SCHIP1: variants seen among roughly 807,000 people sequenced by gnomAD.
SCHIP1 encodes the protein schwannomin interacting protein 1, also known as schwannomin-interacting protein 1.
Under a neutral mutation model 29.7 loss-of-function variants are expected in SCHIP1, and 8 were observed. The ratio of observed to expected loss-of-function variants is 0.27; its 90% CI spans 0.16 to 0.49. The LOEUF is 0.49. Ranked by LOEUF, SCHIP1 falls within the 20% of genes least tolerant of loss-of-function variation. SCHIP1 has a pLI of 0.99. For synonymous variants in SCHIP1, 76 were observed against 94.9 expected (o/e 0.80, Z 1.16); for missense variants, 193 against 294.6 (o/e 0.66, Z 2.52).
At chr3:159,599,080 T>G in the SCHIP1 span, among the ~76,000 whole-genome samples, 1 of 152,188 alleles carries the variant, frequency 6.6e-6, no homozygotes, top group Non-Finnish European at 1.5e-5. Context: ...TCCTATTCCT[T>G]TACTTTCAGT....
chr3:159,802,840 A>C, the SCHIP1 span, among the ~76,000 whole-genome samples: 1 of 152,200 alleles, frequency 6.6e-6, no homozygotes, highest in East Asian at 1.9e-4. Context: ...AGAAGTGTGG[A>C]GGTCAGGAGT....
intron 2 of SCHIP1, among the ~76,000 whole-genome samples, chr3:159,874,755 G>A (rs1439841560): frequency 3.3e-5 from 5 of 152,138 alleles, no homozygotes; most frequent in Non-Finnish European, 5.9e-5. Context: ...TCTGCCCAGC[G>A]TTAATGAGGA....
At chr3:159,625,871 C>T in the SCHIP1 span, among the ~76,000 whole-genome samples, 2 of 152,126 alleles carry the variant, frequency 1.3e-5, no homozygotes, top group East Asian at 1.9e-4. Flanking sequence ...ATCAACTGTG[C>T]TTCTCCCTAC....
the SCHIP1 span, among the ~76,000 whole-genome samples, chr3:159,690,245 C>T: frequency 3.8e-4 from 58 of 152,034 alleles, no homozygotes; most frequent in Middle Eastern, 3.4e-3. Context: ...TTGGTTGGTA[C>T]GCTATTAATT....
the SCHIP1 span, among the ~76,000 whole-genome samples, chr3:159,667,576 G>A: frequency 6.6e-6 from 1 of 152,114 alleles, no homozygotes; most frequent in Non-Finnish European, 1.5e-5. Context: ...GTGGGCATGG[G>A]GTGCACAGGA....
At chr3:159,502,061 A>C in the SCHIP1 span, among the ~76,000 whole-genome samples, 1 of 152,238 alleles carries the variant, frequency 6.6e-6, no homozygotes, top group Non-Finnish European at 1.5e-5. Flanking sequence ...ATATAGAGAA[A>C]TTTCAGTTTG....
the SCHIP1 span, among the ~76,000 whole-genome samples, chr3:159,422,755 C>T: frequency 1.3e-5 from 2 of 152,256 alleles, no homozygotes; most frequent in South Asian, 4.1e-4. Context: ...ATATATTCTG[C>T]ATTGGATTTA....
At chr3:159,460,130 C>T in the SCHIP1 span, among the ~76,000 whole-genome samples, 4 of 152,210 alleles carry the variant, frequency 2.6e-5, no homozygotes, top group South Asian at 2.1e-4. Flanking sequence ...CCACACTTTA[C>T]GATTTCTCAC....
the SCHIP1 span, among the ~76,000 whole-genome samples, chr3:159,777,011 C>T: frequency 4.6e-5 from 7 of 152,152 alleles, no homozygotes; most frequent in Middle Eastern, 3.2e-3. Flanking sequence ...CGCCTGACTT[C>T]GTGCCATGCC....
chr3:159,711,598 G>C, the SCHIP1 span, among the ~76,000 whole-genome samples: 2 of 152,056 alleles, frequency 1.3e-5, no homozygotes, highest in Non-Finnish European at 2.9e-5. Flanking sequence ...GTGTGGTAGG[G>C]ACTATGTAAC....
chr3:159,785,726 T>C, the SCHIP1 span, among the ~76,000 whole-genome samples: 1 of 152,174 alleles, frequency 6.6e-6, no homozygotes, highest in Non-Finnish European at 1.5e-5. Flanking sequence ...AAGAAAAATA[T>C]ATTTTTCTAA....
At chr3:159,586,357 C>T in the SCHIP1 span, among the ~76,000 whole-genome samples, 1 of 152,050 alleles carries the variant, frequency 6.6e-6, no homozygotes, top group Non-Finnish European at 1.5e-5. Flanking sequence ...TGACTGGACC[C>T]TTATTTTCAT....
the SCHIP1 span, among the ~76,000 whole-genome samples, chr3:159,403,378 G>A: frequency 6.6e-6 from 1 of 152,144 alleles, no homozygotes; most frequent in African/African-American, 2.4e-5. Context: ...GTCAGGTAAA[G>A]AGGCACTGAA....
At chr3:159,867,255 C>T (rs958285812) in intron 2 of SCHIP1, among the ~76,000 whole-genome samples, 1 of 152,136 alleles carries the variant, frequency 6.6e-6, no homozygotes, top group African/African-American at 2.4e-5. Flanking sequence ...TGTTAAAATA[C>T]TCAGTTATTT....
chr3:159,638,664 T>C, the SCHIP1 span, among the ~76,000 whole-genome samples: 2 of 151,502 alleles, frequency 1.3e-5, no homozygotes, highest in South Asian at 2.1e-4. Context: ...TGCCATTTGA[T>C]AGCGTTATGT....
chr3:159,335,451 C>T, the SCHIP1 span, among the ~76,000 whole-genome samples: 1 of 152,118 alleles, frequency 6.6e-6, no homozygotes, highest in African/African-American at 2.4e-5. Context: ...ATTAACTCGT[C>T]ATTTAACATT....
At chr3:159,848,075 G>A (rs988945698) in intron 1 of SCHIP1, among the ~76,000 whole-genome samples, 2 of 152,212 alleles carry the variant, frequency 1.3e-5, no homozygotes, top group Admixed American at 6.5e-5. Context: ...AGTGTTCTCA[G>A]AGTTAATAAT....
the SCHIP1 span, among the ~76,000 whole-genome samples, chr3:159,677,369 G>T: frequency 2.6e-5 from 4 of 152,128 alleles, no homozygotes; most frequent in African/African-American, 9.7e-5. Context: ...TGTAGTAAGG[G>T]GTTGGAGGTG....
the SCHIP1 span, among the ~76,000 whole-genome samples, chr3:159,667,020 G>C: frequency 6.6e-6 from 1 of 152,236 alleles, no homozygotes; most frequent in Non-Finnish European, 1.5e-5. Flanking sequence ...ATCTGCCTGT[G>C]AGAGTGCATG....
Sources: allele counts gnomAD v4.1 joint callset (sites outside exome capture counted in the v4.1 genomes callset), GRCh38; gene constraint gnomAD v4.1.1; transcripts MANE v1.5; gene names NCBI Gene and HGNC (gene_info 2026-07-23, HGNC 2026-07-21).